BCL2: variants seen among roughly 807,000 people sequenced by gnomAD.
The protein encoded by BCL2 is BCL2 apoptosis regulator, also known as apoptosis regulator Bcl-2.
Under a neutral mutation model 14.2 loss-of-function variants are expected in BCL2, and 1 was observed. That is an observed-to-expected ratio of 0.07 (90% CI 0.02 to 0.33). BCL2 has a LOEUF of 0.33. Among genes scored for constraint, BCL2 ranks in the 10% least tolerant of loss-of-function variants. The pLI is 0.99. For missense variants in BCL2, 247 were observed against 305.9 expected (o/e 0.81, Z 1.44); for synonymous variants, 151 against 137.2 (o/e 1.10, Z -0.70).
rs202121951 is a variant in BCL2 at position 63,249,257 on chromosome 18, TA to T, written c.585+68824del. On this transcript the variant is annotated intron_variant, in intron 2 of 2. Coordinates refer to ENST00000333681, the MANE Select transcript of BCL2 (RefSeq NM_000633.3). ...TGTCTAATCACATTTAATGTGTCAC[TA>T]AGTCCAATTGGTTCTTCCTTCACCA... Among the ~76,000 whole-genome samples the T allele has an allele frequency of 4.1e-3, 627 of 152,342 alleles. 7 individuals are homozygous for T. The highest frequency in any genetic ancestry group is 0.014 in the African/African-American group (563 of 41,572).
chr18:63,311,096 AT>A (rs1214039780), intron 2 of BCL2, among the ~76,000 whole-genome samples: 1 of 151,262 alleles, frequency 6.6e-6, no homozygotes, highest in Non-Finnish European at 1.5e-5. Flanking sequence ...TTTTATTCCT[AT>A]TTTAATTGTA....
chr18:63,232,239 G>A (rs889299074), intron 2 of BCL2, among the ~76,000 whole-genome samples: 6 of 151,660 alleles, frequency 4.0e-5, no homozygotes, highest in Non-Finnish European at 7.4e-5. Flanking sequence ...TCTTAAGTGA[G>A]GGACTGACAA....
chr18:63,296,612 C>A (rs1328309602), intron 2 of BCL2, among the ~76,000 whole-genome samples: 2 of 152,138 alleles, frequency 1.3e-5, no homozygotes, highest in Non-Finnish European at 2.9e-5. Flanking sequence ...CCAGAAACTA[C>A]TGAAGTTTTA....
intron 2 of BCL2, among the ~76,000 whole-genome samples, chr18:63,210,277 G>A (rs9962051): frequency 3.9e-4 from 59 of 152,320 alleles, no homozygotes; most frequent in African/African-American, 1.3e-3. Context: ...TCCAGATGGC[G>A]ATTAGTGGAG....
intron 2 of BCL2, among the ~76,000 whole-genome samples, chr18:63,158,713 T>C (rs1392232704): frequency 1.3e-5 from 2 of 152,200 alleles, no homozygotes; most frequent in East Asian, 1.9e-4. Flanking sequence ...CTGGAACTTA[T>C]CATATATAAT....
chr18:63,281,716 GAAAGAAAGAAAGAAAGAAAGAAAA>G (rs1260538483), intron 2 of BCL2, among the ~76,000 whole-genome samples: 50 of 123,564 alleles, frequency 4.0e-4, no homozygotes, highest in Middle Eastern at 4.6e-3. Flanking sequence ...AAGAAAGAAA[GAAAGAAAGAAAGAAAGAAAGAAAA>G]AGAGAGAGGA....
intron 2 of BCL2, among the ~76,000 whole-genome samples, chr18:63,240,145 G>A (rs540391632): frequency 6.6e-6 from 1 of 152,036 alleles, no homozygotes; most frequent in Non-Finnish European, 1.5e-5. Flanking sequence ...GTGCCACCAC[G>A]TTTGGTTAAT....
chr18:63,175,693 C>T (rs1384214746), intron 2 of BCL2, among the ~76,000 whole-genome samples: 1 of 152,188 alleles, frequency 6.6e-6, no homozygotes, highest in Non-Finnish European at 1.5e-5. Context: ...TCTCCTCCTC[C>T]CACTACACAG....
intron 2 of BCL2, among the ~76,000 whole-genome samples, chr18:63,285,268 G>A (rs943713192): frequency 1.3e-5 from 2 of 152,220 alleles, no homozygotes; most frequent in African/African-American, 4.8e-5. Context: ...ATGAGGGCCC[G>A]TTGTTCCCTG....
At chr18:63,155,444 G>A (rs1020358474) in intron 2 of BCL2, among the ~76,000 whole-genome samples, 2 of 152,092 alleles carry the variant, frequency 1.3e-5, no homozygotes, top group Admixed American at 6.5e-5. Flanking sequence ...TGCGTGGGGA[G>A]GGCCCTTAGT....
chr18:63,137,321 G>A (rs1310899584), intron 2 of BCL2, among the ~76,000 whole-genome samples: 1 of 152,182 alleles, frequency 6.6e-6, no homozygotes, highest in African/African-American at 2.4e-5. Context: ...TTACATGTCT[G>A]CCTTCCCCAT....
intron 2 of BCL2, among the ~76,000 whole-genome samples, chr18:63,308,760 A>T (rs898473324): frequency 6.6e-6 from 1 of 151,890 alleles, no homozygotes; most frequent in Admixed American, 6.6e-5. Flanking sequence ...TCAGACACAC[A>T]CACACACACA....
At chr18:63,193,608 GTGTAT>G (rs1472278191) in intron 2 of BCL2, among the ~76,000 whole-genome samples, 8 of 146,994 alleles carry the variant, frequency 5.4e-5, no homozygotes, top group African/African-American at 2.0e-4. Flanking sequence ...GTGTGTGTGT[GTGTAT>G]ACACACACAC....
intron 2 of BCL2, among the ~76,000 whole-genome samples, chr18:63,188,682 A>G (rs1230381489): frequency 6.6e-6 from 1 of 152,016 alleles, no homozygotes; most frequent in Non-Finnish European, 1.5e-5. Context: ...CTTAATTTGT[A>G]TTAATTTGTA....
intron 2 of BCL2, among the ~76,000 whole-genome samples, chr18:63,268,159 G>A (rs1911890109): frequency 6.6e-6 from 1 of 152,204 alleles, no homozygotes; most frequent in Non-Finnish European, 1.5e-5. Flanking sequence ...CAACAGGGGA[G>A]TAATTTACAG....
chr18:63,309,515 T>C (rs1325848943), intron 2 of BCL2, among the ~76,000 whole-genome samples: 1 of 152,220 alleles, frequency 6.6e-6, no homozygotes, highest in Non-Finnish European at 1.5e-5. Context: ...ATTCCTCACA[T>C]TCGACCTGCT....
chr18:63,318,742 AAG>A lies in BCL2; in HGVS notation c.-78_-77del. The A allele has an allele frequency of 6.3e-7, 1 of 1,591,256 alleles. No individual in the cohort carries two copies. The highest frequency in any genetic ancestry group is 1.1e-5 in the South Asian group (1 of 89,276). ...CCCACCCCACGGCCCCCAGAGAAAG[AAG>A]AGGAGTTATAATCCAGCTATTTTAT... is the stretch of plus-strand genomic sequence containing the variant. On this transcript the variant is annotated 5_prime_UTR_variant, in exon 2 of 3. Coordinates refer to ENST00000333681, the MANE Select transcript of BCL2 (RefSeq NM_000633.3). This position sits in a 1 kb window ranked among gnomAD's most constrained non-coding sequence, Gnocchi z 7.4.
intron 2 of BCL2, among the ~76,000 whole-genome samples, chr18:63,210,647 A>G (rs528336000): frequency 1.5e-4 from 23 of 152,318 alleles, no homozygotes; most frequent in Non-Finnish European, 2.9e-4. Flanking sequence ...AAAAGATAAT[A>G]TTTTATCTGA....
chr18:63,291,127 C>T (rs890410553), intron 2 of BCL2, among the ~76,000 whole-genome samples: 2 of 152,136 alleles, frequency 1.3e-5, no homozygotes. Context: ...GGTACGCCAT[C>T]CTTTTCCTGT....
Sources: allele counts gnomAD v4.1 joint callset (sites outside exome capture counted in the v4.1 genomes callset), GRCh38; gene constraint gnomAD v4.1.1; non-coding constraint Gnocchi (gnomAD v3.1); transcripts MANE v1.5; gene names NCBI Gene and HGNC (gene_info 2026-07-23, HGNC 2026-07-21).